The following MTA3 variants were observed in gnomAD, a reference collection of about 807,000 sequenced individuals.
MTA3 encodes metastasis associated 1 family member 3.
Under a neutral mutation model 83.5 loss-of-function variants are expected in MTA3, and 34 were observed. The observed-to-expected ratio is 0.41, with a 90% CI of 0.31 to 0.54. The LOEUF (loss-of-function observed/expected upper bound fraction) is 0.54, where lower values mean the gene tolerates loss of function less well. Ranked by LOEUF, MTA3 falls within the 20% of genes least tolerant of loss-of-function variation. The pLI is 0.33. For synonymous variants in MTA3, 303 were observed against 252.7 expected (o/e 1.20, Z -1.89); for missense variants, 761 against 726.4 (o/e 1.05, Z -0.55).
intron 3 of MTA3, among the ~76,000 whole-genome samples, chr2:42,608,116 T>C (rs1683723105): frequency 6.6e-6 from 1 of 152,242 alleles, no homozygotes; most frequent in Non-Finnish European, 1.5e-5. Flanking sequence ...AACCAAGGGA[T>C]CGTATAAGAA....
intron 11 of MTA3, chr2:42,698,471 C>CA (rs1693586618): frequency 6.6e-6 from 1 of 151,622 alleles, no homozygotes; most frequent in Admixed American, 6.6e-5. Flanking sequence ...CTCGTTTCTG[C>CA]AAAAAATTTA....
intron 2 of MTA3, among the ~76,000 whole-genome samples, chr2:42,553,207 C>T (rs1046036342): frequency 3.4e-4 from 51 of 151,444 alleles, no homozygotes; most frequent in Non-Finnish European, 1.6e-4. Context: ...GGGCAGATCA[C>T]GAGGTCAGGA....
At chr2:42,505,246 G>C (rs1167178082) in intron 2 of MTA3, among the ~76,000 whole-genome samples, 3 of 152,044 alleles carry the variant, frequency 2.0e-5, no homozygotes, top group Non-Finnish European at 2.9e-5. Context: ...CAAAAAATTA[G>C]CCCGGCGTGG....
intron 5 of MTA3, among the ~76,000 whole-genome samples, chr2:42,642,484 C>T (rs909471909): frequency 5.3e-5 from 8 of 151,526 alleles, no homozygotes; most frequent in South Asian, 2.1e-4. Context: ...AGTGAGACGT[C>T]GTCTCTATTA....
intron 5 of MTA3, among the ~76,000 whole-genome samples, chr2:42,642,159 TA>T (rs1184903770): frequency 2.0e-5 from 3 of 152,234 alleles, no homozygotes; most frequent in African/African-American, 4.8e-5. Context: ...TCTTCTTTTT[TA>T]CAACTTCTAT....
rs1025191987 is a variant in MTA3, at chr2:42,756,572, C to A, written c.*3173C>A. ...TGGCGAGGGGAGGTGGAGGAGCTGC[C>A]CCGTGGGTGTTTGGAGATTCTGTTT... On this transcript the variant is annotated 3_prime_UTR_variant, in exon 17 of 17. Transcript: ENST00000405094. 7.1e-6 allele frequency: 7 copies of A among 985,650 alleles called. No individual in the cohort carries two copies. The South Asian group carries it at 1.9e-4, about 26-fold the overall frequency. The allele number at this position is 985,650 out of a possible 1,614,324, so 61.1% of individuals were successfully genotyped here.
intron 2 of MTA3, among the ~76,000 whole-genome samples, chr2:42,518,792 C>T (rs1675276041): frequency 6.6e-6 from 1 of 151,942 alleles, no homozygotes; most frequent in African/African-American, 2.4e-5. Flanking sequence ...ATAGGGAGAC[C>T]TCATCCCTAC....
rs1553340665 is a variant in MTA3, at chr2:42,548,814, T to TATATATATATATATA, written c.-140-21607_-140-21593dup. ...TGAGACCCTGTCTCAAAAAAAAATA[T>TATATATATATATATA]ATATATATATATATAATATATATAT... On this transcript the variant is annotated intron_variant, in intron 2 of 17. Transcript: ENST00000405592. Among the ~76,000 whole-genome samples the TATATATATATATATA allele has an allele frequency of 3.4e-3, 114 of 33,668 alleles. 4 individuals carry two copies. Among genetic ancestry groups the TATATATATATATATA allele is most frequent in the Non-Finnish European group, 4.3e-3 (87 of 20,260 alleles). The allele number at this position is 33,668 out of a possible 152,430, so 22.1% of individuals were successfully genotyped here. A position where few individuals can be genotyped will look rare whatever the true frequency, so the allele number is the denominator to read the frequency against.
chr2:42,551,079 A>AT (rs1677086170), intron 2 of MTA3, among the ~76,000 whole-genome samples: 2 of 151,764 alleles, frequency 1.3e-5, no homozygotes, highest in African/African-American at 2.4e-5. Context: ...AAATAAATAA[A>AT]TAAATAAATT....
chr2:42,633,436 G>A (rs1462077077), intron 4 of MTA3, among the ~76,000 whole-genome samples: 2 of 152,044 alleles, frequency 1.3e-5, no homozygotes, highest in Admixed American at 6.6e-5. Context: ...AAAGTTAGCG[G>A]GGCCTGGTGG....
At chr2:42,576,167 G>A (rs1487381641) in intron 2 of MTA3, among the ~76,000 whole-genome samples, 1 of 152,120 alleles carries the variant, frequency 6.6e-6, no homozygotes, top group Non-Finnish European at 1.5e-5. Flanking sequence ...ACCCATACAG[G>A]GTCCACATTC....
chr2:42,739,845 T>C (rs1417210955), intron 16 of MTA3, among the ~76,000 whole-genome samples: 4 of 152,236 alleles, frequency 2.6e-5, no homozygotes, highest in Non-Finnish European at 5.9e-5. Context: ...CTTTCATTGT[T>C]CATCCGTAAG....
intron 16 of MTA3, among the ~76,000 whole-genome samples, chr2:42,727,894 A>G (rs556710977): frequency 1.9e-3 from 296 of 152,272 alleles, no homozygotes; most frequent in Non-Finnish European, 3.2e-3. Context: ...ATGCTTAATA[A>G]TCACATGAGG....
chr2:42,550,760 G>C (rs1677071128), intron 2 of MTA3, among the ~76,000 whole-genome samples: 2 of 152,104 alleles, frequency 1.3e-5, no homozygotes, highest in South Asian at 4.1e-4. Flanking sequence ...CATGATAGAG[G>C]GCCAGGCACA....
At chr2:42,532,381 G>C (rs1676020464) in intron 2 of MTA3, among the ~76,000 whole-genome samples, 1 of 152,066 alleles carries the variant, frequency 6.6e-6, no homozygotes, top group Non-Finnish European at 1.5e-5. Flanking sequence ...GTCATGGCGG[G>C]TGACTGTAAT....
chr2:42,505,497 T>C (rs1572892039), intron 2 of MTA3, among the ~76,000 whole-genome samples: 1 of 152,068 alleles, frequency 6.6e-6, no homozygotes, highest in African/African-American at 2.4e-5. Flanking sequence ...GCAGGCTGTC[T>C]TGCCTCCCAT....
intron 2 of MTA3, among the ~76,000 whole-genome samples, chr2:42,557,854 C>T (rs1677473427): frequency 1.3e-5 from 2 of 152,268 alleles, no homozygotes; most frequent in Admixed American, 1.3e-4. Flanking sequence ...CTCTATTCCT[C>T]AGTCTGGCAG....
At chr2:42,701,098 TA>T (rs1693819175) in intron 11 of MTA3, among the ~76,000 whole-genome samples, 1 of 151,686 alleles carries the variant, frequency 6.6e-6, no homozygotes, top group Admixed American at 6.6e-5. Flanking sequence ...ACCCTGTCTC[TA>T]AAAAAATTAA....
intron 16 of MTA3, among the ~76,000 whole-genome samples, chr2:42,729,745 C>A (rs988931079): frequency 6.6e-6 from 1 of 152,028 alleles, no homozygotes. Context: ...AGTTTTGTTC[C>A]TTTTGTTCAG....
Sources: gnomAD v4.1 joint callset for allele counts (sites outside exome capture counted in the v4.1 genomes callset) on GRCh38, gnomAD v4.1.1 for gene constraint, MANE v1.5 for transcripts, NCBI Gene and HGNC (gene_info 2026-07-23, HGNC 2026-07-21) for gene names.